Variants in AGPAT3 observed in about 807,000 individuals in gnomAD.
AGPAT3 encodes 1-acyl-sn-glycerol-3-phosphate acyltransferase gamma.
A neutral mutation model predicts 47.3 loss-of-function variants in AGPAT3; 5 were observed. The ratio of observed to expected loss-of-function variants is 0.11; its 90% CI spans 0.06 to 0.22. AGPAT3 has a LOEUF of 0.22. Among genes scored for constraint, AGPAT3 ranks in the 10% least tolerant of loss-of-function variants. AGPAT3 has a pLI of 1.00. For missense variants in AGPAT3, 315 were observed against 493.0 expected, an observed-to-expected ratio of 0.64 and a Z score of 3.42; for synonymous variants, 212 against 208.3, an observed-to-expected ratio of 1.02 and a Z score of -0.15.
chr21:43,903,903 G>C (rs1300864578), intron 1 of AGPAT3, 54 bp from the exon 2 acceptor site: 1 of 152,244 alleles, frequency 6.6e-6, no homozygotes, highest in Non-Finnish European at 1.5e-5. Flanking sequence ...TTGGTCACAC[G>C]GCGTCTCTCC....
intron 1 of AGPAT3, among the ~76,000 whole-genome samples, chr21:43,897,742 A>G (rs1210136282): frequency 6.6e-6 from 1 of 151,536 alleles, no homozygotes; most frequent in Non-Finnish European, 1.5e-5. Context: ...ACGGGGTGGC[A>G]GCCGGGCAGA....
rs748344675 is a variant in AGPAT3 at position 43,969,250 on chromosome 21, C to T, written c.481C>T (p.Arg161Cys). Residue 161 changes from arginine (R) to cysteine (C), a missense_variant, in exon 5 of 10, where the codon CGC (arginine) becomes TGC (cysteine). By Grantham distance (180) the Arg-to-Cys change is radical. Transcript: ENST00000291572. ...DRDTVVEGLR[R>C]LSDYPEYMWF... ...GGACACCGTGGTCGAAGGGCTGAGG[C>T]GCCTGTCGGACTACCCCGAGTACAT... 5.6e-5 allele frequency: 91 copies of T among 1,614,112 alleles called. No homozygotes were observed. The highest frequency in any genetic ancestry group is 6.1e-5 in the Non-Finnish European group (72 of 1,180,040).
chr21:43,944,890 G>C (rs554733285), intron 2 of AGPAT3, among the ~76,000 whole-genome samples: 26 of 152,292 alleles, frequency 1.7e-4, no homozygotes, highest in Non-Finnish European at 1.6e-4. Context: ...GTCCAGGTGC[G>C]GGGGGGCCAC....
In AGPAT3 at chr21:43,952,671, C is replaced by T. The variant is rs1255693726; in HGVS notation, c.-48-6963C>T. Reference sequence around the variant, plus strand: ...CTAAATCTGTTGTTTAATGAAGACGCGCTGGCACCAAGCTTCTGGGCGACC... The same window carrying T: ...CTAAATCTGTTGTTTAATGAAGACGTGCTGGCACCAAGCTTCTGGGCGACC... On this transcript the variant is annotated intron_variant, in intron 2 of 9. Coordinates refer to ENST00000291572, the MANE Select transcript of AGPAT3 (RefSeq NM_020132.5). This position sits in a 1 kb window ranked among gnomAD's most constrained non-coding sequence, Gnocchi z 5.6. Among the ~76,000 whole-genome samples, 4 of 152,042 alleles carry T rather than the reference C, an allele frequency of 2.6e-5. No individual in the cohort carries two copies. The highest frequency in any genetic ancestry group is 1.9e-4 in the East Asian group (1 of 5,172).
intron 2 of AGPAT3, among the ~76,000 whole-genome samples, chr21:43,926,514 G>A (rs1007028840): frequency 6.6e-6 from 1 of 152,150 alleles, no homozygotes; most frequent in Non-Finnish European, 1.5e-5. Flanking sequence ...AGCTTCAGGG[G>A]CCACGCGTGC....
At chr21:43,925,098 T>C (rs1193459550) in intron 2 of AGPAT3, 2 of 152,304 alleles carry the variant, frequency 1.3e-5, no homozygotes, top group Non-Finnish European at 2.9e-5. Flanking sequence ...TCTGTGATGA[T>C]GAGAACGGGA....
At position 43,900,705 on chromosome 21, in the gene AGPAT3, A is replaced by T. The variant is rs184826880; in HGVS notation, c.-111-3252A>T. On this transcript the variant is annotated intron_variant, in intron 1 of 9. Transcript: ENST00000291572. ...AGGGGCGTGGGAGAGCAGGGGTGGCACAGTCCCCGAGTTCACAGGGTGGGG... is the reference window on the plus strand; with the variant it reads ...AGGGGCGTGGGAGAGCAGGGGTGGCTCAGTCCCCGAGTTCACAGGGTGGGG... Among the ~76,000 whole-genome samples the T allele has an allele frequency of 2.6e-3, 390 of 152,280 alleles. 1 individual carries two copies. The highest frequency in any genetic ancestry group is 4.0e-3 in the Non-Finnish European group (272 of 68,014).
At chr21:43,893,862 G>A (rs890850812) in intron 1 of AGPAT3, among the ~76,000 whole-genome samples, 5 of 152,160 alleles carry the variant, frequency 3.3e-5, no homozygotes, top group Non-Finnish European at 7.3e-5. Context: ...AAAGATCACT[G>A]ACCACAGATC....
At chr21:43,929,900 C>G (rs1405863691) in intron 2 of AGPAT3, among the ~76,000 whole-genome samples, 1 of 152,208 alleles carries the variant, frequency 6.6e-6, no homozygotes, top group Non-Finnish European at 1.5e-5. Flanking sequence ...AGATGGCGCT[C>G]CCAGCGAGCT....
intron 1 of AGPAT3, among the ~76,000 whole-genome samples, chr21:43,877,004 G>A (rs537728878): frequency 2.8e-4 from 43 of 152,072 alleles, no homozygotes; most frequent in African/African-American, 1.0e-3. Context: ...GACTACAGGT[G>A]CATGCCATCA....
At chr21:43,884,927 C>T (rs903676277) in intron 1 of AGPAT3, among the ~76,000 whole-genome samples, 12 of 152,232 alleles carry the variant, frequency 7.9e-5, no homozygotes, top group Non-Finnish European at 1.6e-4. Flanking sequence ...TCCCTTCTCC[C>T]ACCTCACATG....
rs2087260702 is a variant in AGPAT3, at chr21:43,931,938, TGTGTG to T, written c.-48-27695_-48-27691del. ...AGAGGATCTCGTGTGTGTGTGTGTGTGTGTGTGTGTGTGTGTGTGTGTGTGTGTCT... is the reference window on the plus strand; with the variant it reads ...AGAGGATCTCGTGTGTGTGTGTGTGTTGTGTGTGTGTGTGTGTGTGTGTCT... On this transcript the variant is annotated intron_variant, in intron 2 of 9. Transcript: ENST00000291572. Among the ~76,000 whole-genome samples the T allele has an allele frequency of 1.3e-4, 11 of 82,748 alleles. No homozygotes were observed. In the South Asian group the frequency reaches 5.3e-3, roughly 40 times the overall value. The allele number at this position is 82,748 out of a possible 152,430, so 54.3% of individuals were successfully genotyped here. A position where few individuals can be genotyped will look rare whatever the true frequency, so the allele number is the denominator to read the frequency against.
At chr21:43,901,860 G>C (rs1456766280) in intron 1 of AGPAT3, among the ~76,000 whole-genome samples, 1 of 152,202 alleles carries the variant, frequency 6.6e-6, no homozygotes, top group African/African-American at 2.4e-5. Context: ...CAGAAGAAAA[G>C]ATCAGTATAC....
chr21:43,924,638 C>T (rs774140396), intron 2 of AGPAT3, among the ~76,000 whole-genome samples: 69 of 152,232 alleles, frequency 4.5e-4, no homozygotes, highest in Non-Finnish European at 1.8e-4. Context: ...CATCATGCTC[C>T]GGCCCCGGCT....
At chr21:43,938,953 CCAGGTTCA>C (rs1324320369) in intron 2 of AGPAT3, among the ~76,000 whole-genome samples, 1 of 152,170 alleles carries the variant, frequency 6.6e-6, no homozygotes, top group Non-Finnish European at 1.5e-5. Context: ...CTCTCCTCCA[CCAGGTTCA>C]CAGGTTCACA....
chr21:43,968,217 C>G, intron 4 of AGPAT3, 102 bp downstream of exon 4: 1 of 925,152 alleles, frequency 1.1e-6, no homozygotes, highest in Non-Finnish European at 1.4e-6. Context: ...CAGGGGGTCC[C>G]TGCAGGGCTG....
intron 2 of AGPAT3, among the ~76,000 whole-genome samples, chr21:43,904,543 C>T (rs2086441505): frequency 6.6e-6 from 1 of 152,074 alleles, no homozygotes; most frequent in Non-Finnish European, 1.5e-5. Context: ...CGGTGCCCTG[C>T]TCTTGGGGGT....
intron 2 of AGPAT3, among the ~76,000 whole-genome samples, chr21:43,941,638 T>C (rs1601370383): frequency 1.3e-5 from 2 of 152,282 alleles, no homozygotes; most frequent in East Asian, 1.9e-4. Flanking sequence ...GGGTCGGTCA[T>C]TGGTGAGGGT....
At chr21:43,975,393 C>T (rs1460740447) in intron 7 of AGPAT3, among the ~76,000 whole-genome samples, 5 of 147,188 alleles carry the variant, frequency 3.4e-5, no homozygotes, top group African/African-American at 1.3e-4. Flanking sequence ...TCGGTGTGTG[C>T]ACTGGTGTGT....
Sources: gnomAD v4.1 joint callset for allele counts (sites outside exome capture counted in the v4.1 genomes callset) on GRCh38, gnomAD v4.1.1 for gene constraint, Gnocchi (gnomAD v3.1) non-coding constraint, MANE v1.5 for transcripts, NCBI Gene and HGNC (gene_info 2026-07-23, HGNC 2026-07-21) for gene names.